The following OPCML variants were observed in gnomAD, a reference collection of about 807,000 sequenced individuals.
OPCML encodes the protein opioid binding protein/cell adhesion molecule like.
Under a neutral mutation model 37.8 loss-of-function variants are expected in OPCML, and 13 were observed. That is an observed-to-expected ratio of 0.34 (90% CI 0.22 to 0.55). The LOEUF is 0.55. Among genes scored for constraint, OPCML ranks in the 20% least tolerant of loss-of-function variants. The probability of loss-of-function intolerance (pLI) is 0.91; values close to 1 mark genes in which losing one functional copy is unlikely to be tolerated. For missense variants in OPCML, 341 were observed against 435.6 expected, an observed-to-expected ratio of 0.78 and a Z score of 1.93; for synonymous variants, 176 against 168.8, an observed-to-expected ratio of 1.04 and a Z score of -0.33.
rs540233794 is a variant in OPCML, at chr11:133,287,316, T to C, written c.61+244948A>G. Among the ~76,000 whole-genome samples, 494 of 146,844 alleles carry C rather than the reference T, an allele frequency of 3.4e-3. 1 individual carries two copies. Among genetic ancestry groups the C allele is most frequent in the Non-Finnish European group, 4.4e-3 (295 of 66,964 alleles). ...TTTTAGAGATAAGGTTTCACTATGT[T>C]GCCCAGGCTAGTCTCAAACTCCTGG... is the stretch of plus-strand genomic sequence containing the variant. On this transcript the variant is annotated intron_variant, in intron 1 of 7. Coordinates refer to ENST00000524381, the MANE Select transcript of OPCML (RefSeq NM_001012393.5).
At chr11:133,229,964 CACTT>C (rs1157590488) in intron 1 of OPCML, among the ~76,000 whole-genome samples, 1 of 152,184 alleles carries the variant, frequency 6.6e-6, no homozygotes, top group East Asian at 1.9e-4. Flanking sequence ...CACGTATTCT[CACTT>C]ACGTGCCCAA....
At chr11:133,242,408 C>T (rs895451182) in intron 1 of OPCML, among the ~76,000 whole-genome samples, 5 of 152,156 alleles carry the variant, frequency 3.3e-5, no homozygotes, top group African/African-American at 9.7e-5. Context: ...GACGGTGTGG[C>T]TTAAATGGCG....
intron 1 of OPCML, among the ~76,000 whole-genome samples, chr11:133,275,869 C>T (rs745696579): frequency 3.9e-5 from 6 of 152,192 alleles, no homozygotes; most frequent in Non-Finnish European, 5.9e-5. Flanking sequence ...TTACACCACT[C>T]AAACTCTTAT....
At chr11:132,866,464 G>A (rs1437872720) in intron 2 of OPCML, among the ~76,000 whole-genome samples, 1 of 151,828 alleles carries the variant, frequency 6.6e-6, no homozygotes, top group Non-Finnish European at 1.5e-5. Flanking sequence ...AATCCCAATT[G>A]GTCATCTGGA....
At chr11:132,455,735 G>A (rs964343535) in intron 4 of OPCML, among the ~76,000 whole-genome samples, 15 of 151,732 alleles carry the variant, frequency 9.9e-5, no homozygotes, top group African/African-American at 3.2e-4. Context: ...AGAGACTACC[G>A]TTGTCTGTCA....
At chr11:132,570,616 T>A in intron 3 of OPCML, among the ~76,000 whole-genome samples, 1 of 151,128 alleles carries the variant, frequency 6.6e-6, no homozygotes, top group Non-Finnish European at 1.5e-5. Flanking sequence ...TGTTAAAAGT[T>A]TTATAAATTA....
At chr11:133,420,483 G>A (rs1203116393) in intron 1 of OPCML, 1 of 984,784 alleles carries the variant, frequency 1.0e-6, no homozygotes, top group African/African-American at 1.7e-5. Context: ...TCTTCTTTAG[G>A]ACTTTTATTT....
At chr11:132,921,935 A>G (rs2725459) in intron 2 of OPCML, among the ~76,000 whole-genome samples, 10,517 of 152,018 alleles carry the variant, frequency 0.069, 414 homozygotes, top group Middle Eastern at 0.17. Context: ...GCTGGAGTGC[A>G]GTGGCATGAT....
intron 4 of OPCML, among the ~76,000 whole-genome samples, chr11:132,498,917 G>T (rs1448780045): frequency 1.3e-5 from 2 of 152,196 alleles, no homozygotes; most frequent in Non-Finnish European, 2.9e-5. Context: ...AAAAATGAAA[G>T]CCAGAAGAAG....
At chr11:132,921,656 C>A (rs1355137827) in intron 2 of OPCML, among the ~76,000 whole-genome samples, 6 of 152,226 alleles carry the variant, frequency 3.9e-5, no homozygotes, top group Non-Finnish European at 8.8e-5. Context: ...CCACAGGGAA[C>A]CCTGCTCAGA....
At chr11:132,677,676 C>T (rs779669560) in intron 2 of OPCML, among the ~76,000 whole-genome samples, 17 of 151,964 alleles carry the variant, frequency 1.1e-4, no homozygotes, top group Non-Finnish European at 2.2e-4. Flanking sequence ...TCAACAAATG[C>T]AACTGGTACA....
intron 1 of OPCML, among the ~76,000 whole-genome samples, chr11:133,167,932 C>T (rs7936411): frequency 0.46 from 69,888 of 152,058 alleles, 16,473 homozygotes; most frequent in South Asian, 0.53. Context: ...CATTTACTCT[C>T]GTTCCTTCTC....
intron 2 of OPCML, among the ~76,000 whole-genome samples, chr11:132,839,730 TG>T (rs1271859537): frequency 6.6e-6 from 1 of 152,198 alleles, no homozygotes; most frequent in Non-Finnish European, 1.5e-5. Flanking sequence ...GCTGCAACAT[TG>T]CTATTCTTAG....
intron 3 of OPCML, among the ~76,000 whole-genome samples, chr11:132,549,262 C>T (rs1471336750): frequency 6.6e-6 from 1 of 152,208 alleles, no homozygotes; most frequent in Non-Finnish European, 1.5e-5. Flanking sequence ...TGGCCAGCGC[C>T]TTGGTAATTT....
chr11:133,082,513 C>T (rs1948744705), intron 1 of OPCML, among the ~76,000 whole-genome samples: 1 of 109,622 alleles, frequency 9.1e-6, no homozygotes, highest in Admixed American at 8.6e-5. Context: ...CACCTGCCAC[C>T]CTCCCCTCCT....
At chr11:133,097,417 G>A (rs1203724948) in intron 1 of OPCML, among the ~76,000 whole-genome samples, 1 of 152,170 alleles carries the variant, frequency 6.6e-6, no homozygotes, top group Non-Finnish European at 1.5e-5. Flanking sequence ...ATTTCTAGAA[G>A]AATGATCTAA....
At chr11:133,240,965 A>G (rs1327849943) in intron 1 of OPCML, among the ~76,000 whole-genome samples, 2 of 152,254 alleles carry the variant, frequency 1.3e-5, no homozygotes, top group South Asian at 4.1e-4. Context: ...AGGCTACCCT[A>G]TATTTGTTTA....
chr11:133,142,086 G>T (rs1246861966), intron 1 of OPCML, among the ~76,000 whole-genome samples: 2 of 152,192 alleles, frequency 1.3e-5, no homozygotes, highest in Non-Finnish European at 2.9e-5. Context: ...TTGGTTGTGT[G>T]TTAATTCTCA....
chr11:132,993,787 T>C (rs7114353), intron 1 of OPCML, among the ~76,000 whole-genome samples: 36,518 of 152,076 alleles, frequency 0.24, 4,807 homozygotes, highest in Admixed American at 0.35. Context: ...TTCGGATCAT[T>C]TCTAGACATT....
Sources: allele counts gnomAD v4.1 joint callset (sites outside exome capture counted in the v4.1 genomes callset), GRCh38; gene constraint gnomAD v4.1.1; transcripts MANE v1.5; gene names NCBI Gene and HGNC (gene_info 2026-07-23, HGNC 2026-07-21).